ROBO1: variants seen among roughly 807,000 people sequenced by gnomAD.
The protein encoded by ROBO1 is roundabout guidance receptor 1.
Under a neutral mutation model 195.9 loss-of-function variants are expected in ROBO1, and 149 were observed. The observed-to-expected ratio is 0.76, with a 90% confidence interval of 0.67 to 0.87. The LOEUF is 0.87. ROBO1 is among the 40% of genes least tolerant of loss of function. The pLI, the probability that ROBO1 is intolerant of heterozygous loss-of-function variation, is 0.00. For synonymous variants in ROBO1, 816 were observed against 733.2 expected (o/e 1.11, Z -1.82); for missense variants, 1,933 against 2,068.3 (o/e 0.93, Z 1.27).
At chr3:78,600,364 A>G in intron 29 of ROBO1, 55 bp from the exon 30 acceptor site, 1 of 1,116,926 alleles carries the variant, frequency 9.0e-7, no homozygotes, top group Non-Finnish European at 1.3e-6. Flanking sequence ...CTTTCACTGT[A>G]TATTGTATCA....
intron 3 of ROBO1, among the ~76,000 whole-genome samples, chr3:79,073,406 G>T (rs1254733443): frequency 2.0e-5 from 3 of 151,854 alleles, no homozygotes; most frequent in Non-Finnish European, 4.4e-5. Flanking sequence ...TGCTCTAAAT[G>T]GATATGGGAA....
At chr3:78,812,151 C>A (rs2084762666) in intron 4 of ROBO1, among the ~76,000 whole-genome samples, 1 of 152,076 alleles carries the variant, frequency 6.6e-6, no homozygotes, top group Non-Finnish European at 1.5e-5. Flanking sequence ...AGTGAACTCA[C>A]CCTAAACTAC....
intron 3 of ROBO1, among the ~76,000 whole-genome samples, chr3:79,000,512 CAT>C (rs1450874389): frequency 3.9e-5 from 6 of 151,990 alleles, no homozygotes; most frequent in Non-Finnish European, 8.8e-5. Flanking sequence ...GGCCAATAAA[CAT>C]ATGAAAAAAA....
intron 9 of ROBO1, among the ~76,000 whole-genome samples, chr3:78,687,267 T>C (rs919805505): frequency 1.2e-4 from 18 of 152,226 alleles, no homozygotes; most frequent in Admixed American, 4.6e-4. Flanking sequence ...TCCTGTTCTA[T>C]TGAAATATTT....
intron 2 of ROBO1, among the ~76,000 whole-genome samples, chr3:79,549,069 T>C (rs192817435): frequency 2.0e-5 from 3 of 152,282 alleles, no homozygotes; most frequent in South Asian, 4.1e-4. Flanking sequence ...CGGTCTTCCA[T>C]TGGGTGAAAA....
chr3:79,262,954 C>A lies in ROBO1; in HGVS notation c.89-137415G>T, dbSNP rs151103429. Among the ~76,000 whole-genome samples the A allele has an allele frequency of 1.8e-3, 273 of 152,122 alleles. 2 individuals are homozygous for A. The highest frequency in any genetic ancestry group is 6.3e-3 in the African/African-American group (262 of 41,514). ...ACCATTCTCTAAGTTCAAACTTGAA[C>A]CACAAATGTTCACTGTTGCTAGAAA... is the stretch of plus-strand genomic sequence containing the variant. On this transcript the variant is annotated intron_variant, in intron 2 of 30. Coordinates refer to ENST00000464233, the MANE Select transcript of ROBO1 (RefSeq NM_002941.4).
At chr3:79,197,213 G>C (rs2081654563) in intron 2 of ROBO1, among the ~76,000 whole-genome samples, 1 of 151,520 alleles carries the variant, frequency 6.6e-6, no homozygotes. Flanking sequence ...GATAGACCCT[G>C]GTGTGTGATG....
At chr3:79,346,246 G>A (rs1477675590) in intron 2 of ROBO1, among the ~76,000 whole-genome samples, 1 of 152,092 alleles carries the variant, frequency 6.6e-6, no homozygotes, top group Non-Finnish European at 1.5e-5. Context: ...AGGGCTGGTG[G>A]TGGCTTAACC....
chr3:78,828,921 T>C (rs2031889329), intron 4 of ROBO1, among the ~76,000 whole-genome samples: 1 of 152,162 alleles, frequency 6.6e-6, no homozygotes, highest in Non-Finnish European at 1.5e-5. Context: ...TAGCTAACTA[T>C]AGAAAAAAAA....
At chr3:78,632,361 G>A (rs184018124) in intron 24 of ROBO1, among the ~76,000 whole-genome samples, 82 of 152,296 alleles carry the variant, frequency 5.4e-4, no homozygotes, top group African/African-American at 1.9e-3. Context: ...CACACTAAGC[G>A]TGGGCTAGGG....
At chr3:79,585,126 T>G (rs1943788459) in intron 2 of ROBO1, among the ~76,000 whole-genome samples, 1 of 151,840 alleles carries the variant, frequency 6.6e-6, no homozygotes, top group Non-Finnish European at 1.5e-5. Context: ...AAGATAATTT[T>G]ATGGAAAAAG....
intron 4 of ROBO1, among the ~76,000 whole-genome samples, chr3:78,792,160 T>C (rs1055898662): frequency 5.3e-5 from 8 of 152,152 alleles, no homozygotes; most frequent in African/African-American, 1.7e-4. Flanking sequence ...TGGGACCTCA[T>C]TGTGGGGAAC....
intron 1 of ROBO1, among the ~76,000 whole-genome samples, chr3:79,647,317 A>C (rs568752221): frequency 1.3e-5 from 2 of 152,228 alleles, no homozygotes; most frequent in African/African-American, 4.8e-5. Flanking sequence ...TTCCCTCTAC[A>C]ATTATTAGAT....
intron 4 of ROBO1, among the ~76,000 whole-genome samples, chr3:78,907,525 C>T (rs1473217111): frequency 1.3e-5 from 2 of 152,014 alleles, no homozygotes; most frequent in African/African-American, 4.8e-5. Context: ...TTCATTTATT[C>T]CCTTGACCAG....
chr3:79,453,965 T>C (rs779494341), intron 2 of ROBO1, among the ~76,000 whole-genome samples: 2 of 152,086 alleles, frequency 1.3e-5, no homozygotes, highest in South Asian at 2.1e-4. Context: ...TCTGTTGTGA[T>C]AGGAACTCCT....
At chr3:78,816,253 G>A (rs1314920368) in intron 4 of ROBO1, among the ~76,000 whole-genome samples, 2 of 152,164 alleles carry the variant, frequency 1.3e-5, no homozygotes, top group African/African-American at 4.8e-5. Context: ...ATGGATGACA[G>A]TACATCTGTT....
chr3:79,274,561 A>C (rs2030860414), intron 2 of ROBO1, among the ~76,000 whole-genome samples: 1 of 152,026 alleles, frequency 6.6e-6, no homozygotes, highest in African/African-American at 2.4e-5. Context: ...AGAAACTTCA[A>C]ATAAACCATC....
At chr3:78,888,907 T>TTGC (rs2036722943) in intron 4 of ROBO1, among the ~76,000 whole-genome samples, 1 of 151,992 alleles carries the variant, frequency 6.6e-6, no homozygotes, top group African/African-American at 2.4e-5. Flanking sequence ...ACTGTTCACC[T>TTGC]TTGGTTGGAT....
Position 78,617,723 on chromosome 3 carries a change from G to C in ROBO1, c.4194C>G (p.Phe1398Leu). The change falls in exon 27 of 31, where the codon TTC becomes TTG. Residue 1398 changes from phenylalanine to leucine, a missense_variant. Phe to Leu is a conservative substitution (Grantham distance 22). Transcript: ENST00000464233. ...CTGCCTGGGCAAAGTCAGCATCAGT[G>C]AAAAAGGAGCCGTCCGAAGAACTAA... Reference protein sequence around the residue: ...SSVSSSDGSFFTDADFAQAVA... With the variant: ...SSVSSSDGSFLTDADFAQAVA... The C allele has an allele frequency of 6.2e-7, 1 of 1,613,928 alleles. No homozygotes were observed. The highest frequency in any genetic ancestry group is 8.5e-7 in the Non-Finnish European group (1 of 1,179,866).
Sources: gnomAD v4.1 joint callset for allele counts (sites outside exome capture counted in the v4.1 genomes callset) on GRCh38, gnomAD v4.1.1 for gene constraint, MANE v1.5 for transcripts, NCBI Gene and HGNC (gene_info 2026-07-23, HGNC 2026-07-21) for gene names.